Variants in SCGN observed in about 807,000 individuals in gnomAD.
SCGN encodes secretagogin.
Under a neutral mutation model 39.7 loss-of-function variants are expected in SCGN, and 30 were observed. That is an observed-to-expected ratio of 0.76 (90% confidence interval 0.57 to 1.03). The LOEUF is 1.03. SCGN is among the 50% of genes least tolerant of loss of function. The pLI, the probability that SCGN is intolerant of heterozygous loss-of-function variation, is 0.00. For synonymous variants in SCGN, 106 were observed against 114.1 expected (o/e 0.93, Z 0.45); for missense variants, 353 against 349.4 (o/e 1.01, Z -0.08).
intron 2 of SCGN, among the ~76,000 whole-genome samples, chr6:25,655,528 A>G (rs1411714247): frequency 6.6e-6 from 1 of 152,196 alleles, no homozygotes; most frequent in Admixed American, 6.5e-5. Flanking sequence ...TCCTCGAGGA[A>G]AGAGGACAGC....
intron 7 of SCGN, 34 bp from the exon 8 acceptor site, chr6:25,689,138 A>C: frequency 6.8e-7 from 1 of 1,466,894 alleles, no homozygotes; most frequent in Non-Finnish European, 9.2e-7. Flanking sequence ...GAGCTGAACG[A>C]TCCTTACGTG....
chr6:25,691,969 A>C (rs1351215802), intron 10 of SCGN, among the ~76,000 whole-genome samples: 1 of 152,200 alleles, frequency 6.6e-6, no homozygotes. Context: ...ATCTCCAGGA[A>C]GTTTGTGTAC....
chr6:25,663,280 A>G (rs114057084), intron 3 of SCGN, among the ~76,000 whole-genome samples: 2,241 of 152,254 alleles, frequency 0.015, 47 homozygotes, highest in African/African-American at 0.043. Flanking sequence ...ATTTTCTAGC[A>G]AAAAACAAGA....
In SCGN at chr6:25,670,106, G is replaced by A. The variant is rs202097305; in HGVS notation, c.471+30G>A. The A allele has an allele frequency of 2.7e-6, 4 of 1,492,518 alleles. No homozygotes were observed. The East Asian group carries it at 9.0e-5, about 34-fold the overall frequency. 92.5% of individuals were successfully genotyped at this position (1,492,518 alleles called of 1,614,324 possible). A position where few individuals can be genotyped will look rare whatever the true frequency, so the allele number is the denominator to read the frequency against. On this transcript the variant is annotated intron_variant, in intron 6 of 10. Transcript: ENST00000377961. ...GTAATGAGTAATGTAATCTCCATGA[G>A]GGCAGCTCCCCCACTCCCTCCCCAG...
intron 6 of SCGN, among the ~76,000 whole-genome samples, chr6:25,680,857 T>C (rs1321778114): frequency 6.6e-6 from 1 of 152,198 alleles, no homozygotes; most frequent in African/African-American, 2.4e-5. Context: ...TCAAATTCAT[T>C]TGAAATATTA....
intron 7 of SCGN, among the ~76,000 whole-genome samples, chr6:25,685,816 G>A (rs1334885304): frequency 6.6e-6 from 1 of 152,026 alleles, no homozygotes. Context: ...ATATTCATAA[G>A]GTTGTCCAAC....
At chr6:25,693,961 G>C (rs1759807645) in intron 10 of SCGN, among the ~76,000 whole-genome samples, 1 of 152,098 alleles carries the variant, frequency 6.6e-6, no homozygotes, top group African/African-American at 2.4e-5. Flanking sequence ...CTTCCATAAA[G>C]TTGTCATGAA....
At chr6:25,661,677 A>C (rs373426144) in intron 3 of SCGN, 33 bp downstream of exon 3, 1 of 1,346,114 alleles carries the variant, frequency 7.4e-7, no homozygotes, top group African/African-American at 1.4e-5. Context: ...TCATGGCTCT[A>C]CTCTTCTTGA....
chr6:25,694,330 C>A (rs949565455), intron 10 of SCGN, among the ~76,000 whole-genome samples: 4 of 152,076 alleles, frequency 2.6e-5, no homozygotes, highest in East Asian at 1.9e-4. Context: ...AAATCCAAAC[C>A]AACAACATAG....
At chr6:25,665,154 A>G (rs558320218) in intron 4 of SCGN, 122 bp downstream of exon 4, 9 of 700,158 alleles carry the variant, frequency 1.3e-5, no homozygotes, top group Admixed American at 5.6e-5. Flanking sequence ...CACAGAGGAT[A>G]AGACCAAGCA....
chr6:25,700,497 T>C (rs528130624), intron 10 of SCGN, among the ~76,000 whole-genome samples: 82 of 152,304 alleles, frequency 5.4e-4, no homozygotes, highest in African/African-American at 1.9e-3. Flanking sequence ...CTGCCACAAC[T>C]TTCCAGCTTG....
intron 10 of SCGN, among the ~76,000 whole-genome samples, chr6:25,696,984 G>A (rs1759847258): frequency 6.6e-6 from 1 of 152,180 alleles, no homozygotes; most frequent in Non-Finnish European, 1.5e-5. Context: ...ATAAAAGAAT[G>A]TGGTGGAAAC....
At chr6:25,701,088 C>A in intron 10 of SCGN, 119 bp from the exon 11 acceptor site, 2 of 1,111,482 alleles carry the variant, frequency 1.8e-6, no homozygotes, top group Non-Finnish European at 1.3e-6. Context: ...TTCCCTCACT[C>A]CCTGTGGCCT....
chr6:25,660,785 C>T (rs1561760710), intron 2 of SCGN, among the ~76,000 whole-genome samples: 1 of 152,204 alleles, frequency 6.6e-6, no homozygotes, highest in Admixed American at 6.5e-5. Flanking sequence ...TTCTAACTTA[C>T]AGCTGGAGGG....
chr6:25,700,777 A>C (rs1279333699), intron 10 of SCGN, among the ~76,000 whole-genome samples: 2 of 152,194 alleles, frequency 1.3e-5, no homozygotes, highest in Non-Finnish European at 2.9e-5. Context: ...CACATGTTTT[A>C]AATTTACATT....
chr6:25,687,626 G>A (rs1759722287), intron 7 of SCGN, among the ~76,000 whole-genome samples: 1 of 152,058 alleles, frequency 6.6e-6, no homozygotes, highest in African/African-American at 2.4e-5. Flanking sequence ...CATCTATAAA[G>A]AGATAGTTTT....
At chr6:25,695,016 G>A (rs892767640) in intron 10 of SCGN, among the ~76,000 whole-genome samples, 1 of 152,162 alleles carries the variant, frequency 6.6e-6, no homozygotes, top group Non-Finnish European at 1.5e-5. Context: ...GGTTTTTGGT[G>A]TTTGCAGTAA....
intron 10 of SCGN, among the ~76,000 whole-genome samples, chr6:25,695,475 C>T (rs1373776281): frequency 6.6e-6 from 1 of 152,108 alleles, no homozygotes; most frequent in Non-Finnish European, 1.5e-5. Flanking sequence ...TAGCAAATGT[C>T]CAAGTATACC....
intron 9 of SCGN, among the ~76,000 whole-genome samples, chr6:25,690,045 G>T (rs1759756042): frequency 6.6e-6 from 1 of 152,142 alleles, no homozygotes; most frequent in African/African-American, 2.4e-5. Context: ...TAGAAAAGCA[G>T]AAAAAATGTT....
Sources: allele counts gnomAD v4.1 joint callset (sites outside exome capture counted in the v4.1 genomes callset), GRCh38; gene constraint gnomAD v4.1.1; transcripts MANE v1.5; gene names NCBI Gene and HGNC (gene_info 2026-07-23, HGNC 2026-07-21).